The following NOL4 variants were observed in gnomAD, a reference collection of about 807,000 sequenced individuals.
NOL4 encodes nucleolar protein 4.
In NOL4, 17 loss-of-function variants were observed where a neutral mutation model predicts 75.9. The observed-to-expected ratio is 0.22, with a 90% CI of 0.15 to 0.34. NOL4 has a LOEUF of 0.34. Ranked by LOEUF, NOL4 falls within the 10% of genes least tolerant of loss-of-function variation. The pLI is 1.00. For missense variants in NOL4, 614 were observed against 793.5 expected, an observed-to-expected ratio of 0.77 and a Z score of 2.72; for synonymous variants, 292 against 289.9, an observed-to-expected ratio of 1.01 and a Z score of -0.07.
At chr18:34,155,064 A>T (rs909302581) in intron 1 of NOL4, among the ~76,000 whole-genome samples, 14 of 151,898 alleles carry the variant, frequency 9.2e-5, no homozygotes, top group African/African-American at 3.4e-4. Context: ...TCTTCTTAGT[A>T]AAGAGTTTTT....
chr18:33,859,519 A>G (rs1176907870), intron 10 of NOL4, among the ~76,000 whole-genome samples: 1 of 152,122 alleles, frequency 6.6e-6, no homozygotes, highest in African/African-American at 2.4e-5. Context: ...CTCTATGGCT[A>G]TCATTATGAC....
intron 1 of NOL4, among the ~76,000 whole-genome samples, chr18:34,202,528 T>C (rs2146493920): frequency 6.6e-6 from 1 of 152,108 alleles, no homozygotes; most frequent in South Asian, 2.1e-4. Context: ...TTCCCAACTT[T>C]GGCTAAAATG....
At chr18:34,187,156 C>A (rs1034911270) in intron 1 of NOL4, among the ~76,000 whole-genome samples, 8 of 152,004 alleles carry the variant, frequency 5.3e-5, no homozygotes, top group Non-Finnish European at 1.2e-4. Context: ...AGTTTTATTG[C>A]CCTAAAATTC....
intron 10 of NOL4, among the ~76,000 whole-genome samples, chr18:33,877,854 G>A (rs919047602): frequency 1.1e-4 from 17 of 150,978 alleles, no homozygotes; most frequent in East Asian, 3.9e-4. Flanking sequence ...GTGTGTGTGC[G>A]CTATCATACA....
chr18:34,196,446 G>T (rs899684657), intron 1 of NOL4, among the ~76,000 whole-genome samples: 4 of 152,074 alleles, frequency 2.6e-5, no homozygotes, highest in African/African-American at 9.7e-5. Context: ...ATCACAAAGT[G>T]GTTTAGATCA....
chr18:33,888,170 G>C (rs1333011928), intron 9 of NOL4, among the ~76,000 whole-genome samples: 1 of 152,192 alleles, frequency 6.6e-6, no homozygotes, highest in East Asian at 1.9e-4. Flanking sequence ...CTGATGACCA[G>C]TGATGGATGA....
At position 34,061,486 on chromosome 18, in the gene NOL4, T is replaced by C. The variant is rs561351544; in HGVS notation, c.772+31979A>G. Among the ~76,000 whole-genome samples the C allele has an allele frequency of 8.5e-5, 13 of 152,250 alleles. No homozygotes were observed. The South Asian group carries it at 2.7e-3, about 32-fold the overall frequency. On this transcript the variant is annotated intron_variant, in intron 5 of 10. Transcript: ENST00000261592. ...AAATATCATGTACACAAAATGAGCT[T>C]ATGGGATGGTGGCCAGGGCTTTAAA... is the stretch of plus-strand genomic sequence containing the variant.
intron 2 of NOL4, among the ~76,000 whole-genome samples, chr18:34,125,208 A>G (rs2080331026): frequency 6.6e-6 from 1 of 152,186 alleles, no homozygotes; most frequent in Non-Finnish European, 1.5e-5. Context: ...TATGACACAG[A>G]AGGAAAATGT....
chr18:34,211,432 T>C (rs2036509812), intron 1 of NOL4, among the ~76,000 whole-genome samples: 1 of 152,266 alleles, frequency 6.6e-6, no homozygotes, highest in African/African-American at 2.4e-5. Flanking sequence ...CTCATCTAAT[T>C]AGGTCAATTG....
intron 1 of NOL4, among the ~76,000 whole-genome samples, chr18:34,189,912 C>T (rs1423670498): frequency 6.6e-6 from 1 of 151,690 alleles, no homozygotes; most frequent in Non-Finnish European, 1.5e-5. Context: ...ATGAGGTTTC[C>T]ATCTAAACTT....
chr18:34,125,922 C>T (rs916342904), intron 2 of NOL4, among the ~76,000 whole-genome samples: 3 of 151,664 alleles, frequency 2.0e-5, no homozygotes, highest in African/African-American at 4.8e-5. Context: ...TTCTTATAAA[C>T]CCAAACCGTG....
At chr18:33,998,586 C>G (rs2146201627) in intron 6 of NOL4, among the ~76,000 whole-genome samples, 1 of 152,160 alleles carries the variant, frequency 6.6e-6, no homozygotes, top group South Asian at 2.1e-4. Context: ...AATAAACTGA[C>G]TTGAAAAAGA....
intron 6 of NOL4, among the ~76,000 whole-genome samples, chr18:33,992,332 T>C (rs2072979472): frequency 6.6e-6 from 1 of 152,004 alleles, no homozygotes; most frequent in South Asian, 2.1e-4. Flanking sequence ...TTAATTTCAC[T>C]TCTCAAGAGT....
intron 9 of NOL4, among the ~76,000 whole-genome samples, chr18:33,890,654 G>A (rs2065038788): frequency 6.6e-6 from 1 of 152,050 alleles, no homozygotes; most frequent in Non-Finnish European, 1.5e-5. Flanking sequence ...TATTTGATAT[G>A]TAGGCAAACA....
intron 5 of NOL4, among the ~76,000 whole-genome samples, chr18:34,085,350 T>C (rs1010070046): frequency 2.6e-5 from 4 of 152,200 alleles, no homozygotes; most frequent in Admixed American, 2.0e-4. Flanking sequence ...TAAACATTCA[T>C]GGACTGGCAA....
chr18:34,150,679 T>C (rs2081602990), intron 1 of NOL4, among the ~76,000 whole-genome samples: 1 of 151,720 alleles, frequency 6.6e-6, no homozygotes, highest in African/African-American at 2.4e-5. Flanking sequence ...GACTTGGGCA[T>C]GGATATGACT....
intron 6 of NOL4, among the ~76,000 whole-genome samples, chr18:33,976,689 A>C (rs1195840204): frequency 1.3e-5 from 2 of 152,134 alleles, no homozygotes; most frequent in African/African-American, 4.8e-5. Flanking sequence ...ATTTTACTAT[A>C]CTGTTATCTC....
chr18:34,055,316 C>G (rs930274172), intron 5 of NOL4, among the ~76,000 whole-genome samples: 4 of 152,014 alleles, frequency 2.6e-5, no homozygotes, highest in Non-Finnish European at 4.4e-5. Context: ...GAATGAACTT[C>G]CTCAGATTTG....
At chr18:34,198,171 T>C (rs2035471469) in intron 1 of NOL4, among the ~76,000 whole-genome samples, 1 of 151,904 alleles carries the variant, frequency 6.6e-6, no homozygotes. Flanking sequence ...TTTGTGGATT[T>C]CTCATCAGAA....
Sources: gnomAD v4.1 joint callset for allele counts (sites outside exome capture counted in the v4.1 genomes callset) on GRCh38, gnomAD v4.1.1 for gene constraint, MANE v1.5 for transcripts, NCBI Gene and HGNC (gene_info 2026-07-23, HGNC 2026-07-21) for gene names.